Variants in ME3 observed in about 807,000 individuals in gnomAD.
ME3 encodes the protein malic enzyme 3.
A neutral mutation model predicts 68.9 loss-of-function variants in ME3; 48 were observed. That is an observed-to-expected ratio of 0.70 (90% CI 0.55 to 0.89). The LOEUF (loss-of-function observed/expected upper bound fraction) is 0.89, where lower values mean the gene tolerates loss of function less well. Ranked by LOEUF, ME3 falls within the 40% of genes least tolerant of loss-of-function variation. ME3 has a pLI of 0.00. For missense variants in ME3, 675 were observed against 797.4 expected, an observed-to-expected ratio of 0.85 and a Z score of 1.85; for synonymous variants, 320 against 318.8, an observed-to-expected ratio of 1.00 and a Z score of -0.04.
intron 2 of ME3, among the ~76,000 whole-genome samples, chr11:86,662,310 T>G (rs2135494835): frequency 6.6e-6 from 1 of 152,322 alleles, no homozygotes; most frequent in Admixed American, 6.5e-5. Flanking sequence ...TATGCCTCGG[T>G]TTTCTCATCT....
intron 2 of ME3, among the ~76,000 whole-genome samples, chr11:86,640,206 A>C (rs1944581284): frequency 6.6e-6 from 1 of 152,236 alleles, no homozygotes; most frequent in Non-Finnish European, 1.5e-5. Context: ...AAACTCCTGC[A>C]AGGCCATCTT....
At chr11:86,478,940 A>G (rs1312360263) in intron 7 of ME3, among the ~76,000 whole-genome samples, 1 of 152,066 alleles carries the variant, frequency 6.6e-6, no homozygotes, top group East Asian at 1.9e-4. Flanking sequence ...TCTTAGTGTG[A>G]TGGTTAATTT....
At chr11:86,575,906 T>C (rs1958076133) in intron 2 of ME3, among the ~76,000 whole-genome samples, 1 of 152,154 alleles carries the variant, frequency 6.6e-6, no homozygotes, top group Non-Finnish European at 1.5e-5. Context: ...CCTTAGTGGT[T>C]GATAAAGTGG....
At chr11:86,502,895 T>A (rs2139052638) in intron 5 of ME3, among the ~76,000 whole-genome samples, 1 of 152,278 alleles carries the variant, frequency 6.6e-6, no homozygotes, top group South Asian at 2.1e-4. Flanking sequence ...AATACTGACC[T>A]GAGGATCAAA....
intron 2 of ME3, among the ~76,000 whole-genome samples, chr11:86,608,433 C>T (rs1460071738): frequency 6.6e-6 from 1 of 152,176 alleles, no homozygotes; most frequent in Middle Eastern, 3.2e-3. Flanking sequence ...TGAATCGATT[C>T]GGGGAAATGA....
chr11:86,580,534 T>A (rs960989079), intron 2 of ME3, among the ~76,000 whole-genome samples: 1 of 152,198 alleles, frequency 6.6e-6, no homozygotes, highest in East Asian at 1.9e-4. Flanking sequence ...AGTTTGTGGG[T>A]CTGTATTTTA....
At chr11:86,552,273 G>A (rs1956727139) in intron 4 of ME3, among the ~76,000 whole-genome samples, 1 of 152,226 alleles carries the variant, frequency 6.6e-6, no homozygotes. Flanking sequence ...TCAAGGCCAA[G>A]CCTGCCTGGC....
At chr11:86,616,409 A>G (rs1482450709) in intron 2 of ME3, among the ~76,000 whole-genome samples, 1 of 152,218 alleles carries the variant, frequency 6.6e-6, no homozygotes, top group Non-Finnish European at 1.5e-5. Flanking sequence ...TAAACTGTTA[A>G]CTGTCTATAT....
At chr11:86,598,603 C>T (rs113775088) in intron 2 of ME3, among the ~76,000 whole-genome samples, 152 of 152,172 alleles carry the variant, frequency 1.0e-3, no homozygotes, top group African/African-American at 3.4e-3. Context: ...AGCAGTGGTT[C>T]TCCCAGCATG....
At chr11:86,622,876 C>T (rs1000662456) in intron 2 of ME3, 5 of 151,344 alleles carry the variant, frequency 3.3e-5, no homozygotes, top group African/African-American at 4.9e-5. Flanking sequence ...GTTTCCTGCA[C>T]TGTTAAGAGC....
chr11:86,442,896 C>T (rs769974037), exon 14 of ME3: 5 of 1,613,092 alleles, frequency 3.1e-6, no homozygotes, highest in Admixed American at 1.7e-5. Context: ...ACAGATGCTG[C>T]TCAGAGACTT....
intron 2 of ME3, among the ~76,000 whole-genome samples, chr11:86,566,289 G>A (rs142938260): frequency 6.6e-6 from 1 of 152,268 alleles, no homozygotes; most frequent in Non-Finnish European, 1.5e-5. Flanking sequence ...CCCAAATAAT[G>A]CAAGTTTCCT....
chr11:86,667,654 T>G (rs73514380), intron 2 of ME3: 1 of 152,150 alleles, frequency 6.6e-6, no homozygotes, highest in Non-Finnish European at 1.5e-5. Context: ...ATTGTAATAG[T>G]GTGCTCAGTG....
chr11:86,666,512 C>T (rs1214993633), intron 2 of ME3, among the ~76,000 whole-genome samples: 1 of 152,226 alleles, frequency 6.6e-6, no homozygotes, highest in Non-Finnish European at 1.5e-5. Flanking sequence ...ATTCTCTGAG[C>T]TGTTCTAAAA....
Position 86,445,839 on chromosome 11 carries a change from G to GA in ME3, c.1554+474dup, listed in dbSNP as rs573707835. Among the ~76,000 whole-genome samples the GA allele has an allele frequency of 5.3e-5, 8 of 152,214 alleles. No individual in the cohort carries two copies. In the East Asian group the frequency reaches 1.5e-3, roughly 29 times the overall value. ...GCTCAAGATCTGGGTCCTCCAAGGA[G>GA]AAAAAAACAAGTATGACACCCACCC... is the stretch of plus-strand genomic sequence containing the variant. On this transcript the variant is annotated intron_variant, in intron 13 of 14. Coordinates refer to ENST00000543262, the Ensembl canonical transcript of ME3.
intron 8 of ME3, among the ~76,000 whole-genome samples, chr11:86,461,296 A>G (rs1179328085): frequency 3.3e-5 from 5 of 152,154 alleles, no homozygotes; most frequent in Admixed American, 3.3e-4. Context: ...GACGTGGGAC[A>G]GCTGTGTTTG....
intron 2 of ME3, among the ~76,000 whole-genome samples, chr11:86,595,304 T>TAGAGAGAG (rs142071666): frequency 3.2e-5 from 3 of 94,602 alleles, no homozygotes; most frequent in East Asian, 4.4e-4. Flanking sequence ...TATATATATA[T>TAGAGAGAG]ATAGAGAGAG....
chr11:86,622,829 G>T (rs983906198), intron 2 of ME3: 1 of 151,912 alleles, frequency 6.6e-6, no homozygotes, highest in African/African-American at 2.4e-5. Context: ...TGTCTTTGAA[G>T]TTTTCACCTA....
intron 2 of ME3, among the ~76,000 whole-genome samples, chr11:86,652,916 G>GAA (rs149968951): frequency 3.5e-5 from 5 of 140,876 alleles, no homozygotes; most frequent in African/African-American, 5.1e-5. Flanking sequence ...CAGGCAAATG[G>GAA]AAAAAAAAAA....
Sources: gnomAD v4.1 joint callset for allele counts (sites outside exome capture counted in the v4.1 genomes callset) on GRCh38, gnomAD v4.1.1 for gene constraint, MANE v1.5 for transcripts, NCBI Gene and HGNC (gene_info 2026-07-23, HGNC 2026-07-21) for gene names.